The following PDE4D variants were observed in gnomAD, a reference collection of about 807,000 sequenced individuals.
PDE4D encodes the protein 3',5'-cyclic-AMP phosphodiesterase 4D.
A neutral mutation model predicts 87.4 loss-of-function variants in PDE4D; 24 were observed. The observed-to-expected ratio is 0.27, with a 90% CI of 0.20 to 0.39. The LOEUF (loss-of-function observed/expected upper bound fraction) is 0.39. Ranked by LOEUF, PDE4D falls within the 10% of genes least tolerant of loss-of-function variation. The pLI is 1.00. For synonymous variants in PDE4D, 384 were observed against 383.2 expected (o/e 1.00, Z -0.02); for missense variants, 714 against 1,041.0 (o/e 0.69, Z 4.32).
intron 1 of PDE4D, among the ~76,000 whole-genome samples, chr5:59,242,692 C>T (rs148367623): frequency 2.8e-4 from 42 of 152,222 alleles, no homozygotes; most frequent in African/African-American, 7.2e-4. Flanking sequence ...TTACTGTGTG[C>T]TGTAGACTGT....
chr5:59,475,163 A>T (rs1803103336), intron 1 of PDE4D, among the ~76,000 whole-genome samples: 2 of 127,620 alleles, frequency 1.6e-5, no homozygotes, highest in Admixed American at 1.5e-4. Context: ...TTCCACTGGC[A>T]ACCGTTAGAG....
intron 1 of PDE4D, among the ~76,000 whole-genome samples, chr5:59,575,462 G>A (rs1822988075): frequency 6.6e-6 from 1 of 152,132 alleles, no homozygotes; most frequent in South Asian, 2.1e-4. Flanking sequence ...TGAAGAAATG[G>A]TGTCTTAGAT....
At chr5:60,217,705 C>CA (rs1368185603) in intron 1 of PDE4D, among the ~76,000 whole-genome samples, 1 of 150,282 alleles carries the variant, frequency 6.7e-6, no homozygotes, top group East Asian at 2.0e-4. Flanking sequence ...AAATCAAAAA[C>CA]AAAAAAAGAC....
chr5:60,080,775 G>T (rs1008841333), intron 2 of PDE4D, among the ~76,000 whole-genome samples: 1 of 152,116 alleles, frequency 6.6e-6, no homozygotes, highest in East Asian at 1.9e-4. Context: ...TGCTGGATTT[G>T]GTTTGCCAGT....
rs57805618 is a variant in PDE4D at position 59,053,362 on chromosome 5, T to TACACAC, written c.809-14397_809-14392dup. Among the ~76,000 whole-genome samples the TACACAC allele has an allele frequency of 9.2e-3, 1,309 of 142,138 alleles. 15 individuals are homozygous for TACACAC. Among genetic ancestry groups the TACACAC allele is most frequent in the African/African-American group, 0.031 (1,197 of 38,704 alleles). 93.2% of individuals were successfully genotyped at this position (142,138 alleles called of 152,430 possible). A position where few individuals can be genotyped will look rare whatever the true frequency, so the allele number is the denominator to read the frequency against. The stretch of plus-strand genomic sequence containing the variant: ...TGTCTGAAAACATAATGGGTGTACA[T>TACACAC]ACACACACACACACACACACACACA... On this transcript the variant is annotated intron_variant, in intron 5 of 14. Transcript: ENST00000340635.
chr5:59,027,790 T>G (rs1257621882), intron 6 of PDE4D, among the ~76,000 whole-genome samples: 6 of 152,072 alleles, frequency 3.9e-5, no homozygotes, highest in Non-Finnish European at 4.4e-5. Context: ...AATCAGCTAT[T>G]TTTTTTCAAA....
intron 3 of PDE4D, among the ~76,000 whole-genome samples, chr5:59,957,540 A>G (rs1423297361): frequency 2.0e-5 from 3 of 152,086 alleles, no homozygotes; most frequent in Admixed American, 2.0e-4. Context: ...GAGTACATGA[A>G]TGGGAGTGGC....
intron 1 of PDE4D, among the ~76,000 whole-genome samples, chr5:59,835,103 G>A (rs1297676307): frequency 6.6e-6 from 1 of 152,080 alleles, no homozygotes; most frequent in Non-Finnish European, 1.5e-5. Flanking sequence ...TTGGAGAAAG[G>A]AAGTGAGAGC....
chr5:59,712,783 A>C, intron 1 of PDE4D, among the ~76,000 whole-genome samples: 1 of 152,250 alleles, frequency 6.6e-6, no homozygotes, highest in East Asian at 1.9e-4. Flanking sequence ...CCCAAGATTT[A>C]TGTTTCAGGC....
At chr5:60,033,968 A>C (rs1383036986) in intron 2 of PDE4D, among the ~76,000 whole-genome samples, 1 of 152,234 alleles carries the variant, frequency 6.6e-6, no homozygotes. Flanking sequence ...GCTATGGATA[A>C]AGGACCACAA....
chr5:59,787,497 G>C (rs1765306607), intron 1 of PDE4D, among the ~76,000 whole-genome samples: 1 of 152,154 alleles, frequency 6.6e-6, no homozygotes, highest in Non-Finnish European at 1.5e-5. Flanking sequence ...ATACACATGG[G>C]TAGGTCTGTG....
chr5:59,428,228 C>G, intron 1 of PDE4D, among the ~76,000 whole-genome samples: 1 of 152,140 alleles, frequency 6.6e-6, no homozygotes, highest in East Asian at 1.9e-4. Context: ...TAAGGATATA[C>G]TTAGCTTTAA....
intron 1 of PDE4D, among the ~76,000 whole-genome samples, chr5:60,493,119 C>T (rs1749618731): frequency 6.6e-6 from 1 of 152,114 alleles, no homozygotes; most frequent in African/African-American, 2.4e-5. Flanking sequence ...TAACCCTGCC[C>T]TGTATTTTGC....
intron 1 of PDE4D, among the ~76,000 whole-genome samples, chr5:59,806,549 A>G (rs1246261087): frequency 6.6e-6 from 1 of 152,250 alleles, no homozygotes; most frequent in Non-Finnish European, 1.5e-5. Flanking sequence ...GCTGATTGAC[A>G]GTCAACAAGG....
rs142163442 is a variant in PDE4D at position 59,670,563 on chromosome 5, G to T, written c.455+222605C>A. ...TAAATAAATTTTGTGTTTAGATGAA[G>T]GTCTTATCCCCAAGATATCTCACTA... On this transcript the variant is annotated intron_variant, in intron 1 of 14. Coordinates refer to ENST00000340635, the MANE Select transcript of PDE4D (RefSeq NM_001104631.2). 2.8e-3 allele frequency among the ~76,000 whole-genome samples: 428 copies of T among 152,072 alleles called. 4 individuals carry two copies. The highest frequency in any genetic ancestry group is 9.9e-3 in the African/African-American group (410 of 41,502).
chr5:60,391,449 A>C (rs1452356465), intron 1 of PDE4D, among the ~76,000 whole-genome samples: 1 of 152,200 alleles, frequency 6.6e-6, no homozygotes, highest in Non-Finnish European at 1.5e-5. Flanking sequence ...TAAAACCAAG[A>C]GGTTCATAGG....
intron 1 of PDE4D, among the ~76,000 whole-genome samples, chr5:60,462,050 T>C (rs1746987384): frequency 6.6e-6 from 1 of 152,180 alleles, no homozygotes; most frequent in Admixed American, 6.5e-5. Context: ...CAGGTATCCC[T>C]AATCAGGGGG....
chr5:60,509,303 A>T (rs1389332691), intron 1 of PDE4D, among the ~76,000 whole-genome samples: 1 of 152,228 alleles, frequency 6.6e-6, no homozygotes, highest in African/African-American at 2.4e-5. Context: ...TTACAGCATG[A>T]GGGCTGAAAC....
intron 1 of PDE4D, among the ~76,000 whole-genome samples, chr5:59,479,531 A>G (rs1327721602): frequency 6.6e-6 from 1 of 152,138 alleles, no homozygotes; most frequent in Non-Finnish European, 1.5e-5. Flanking sequence ...TTGAGTCTGC[A>G]TATTTCAAAC....
Sources: allele counts gnomAD v4.1 joint callset (sites outside exome capture counted in the v4.1 genomes callset), GRCh38; gene constraint gnomAD v4.1.1; transcripts MANE v1.5; gene names NCBI Gene and HGNC (gene_info 2026-07-23, HGNC 2026-07-21).